Variants in FRMD4A observed in about 807,000 individuals in gnomAD.
FRMD4A encodes FERM domain-containing protein 4A.
FRMD4A carries 29 observed loss-of-function variants against 129.1 expected under a neutral mutation model. The observed-to-expected ratio is 0.22, with a 90% CI of 0.17 to 0.31. The LOEUF is 0.31. Among genes scored for constraint, FRMD4A ranks in the 10% least tolerant of loss-of-function variants. FRMD4A has a pLI of 1.00. For synonymous variants in FRMD4A, 634 were observed against 571.6 expected (o/e 1.11, Z -1.56); for missense variants, 1,272 against 1,375.8 (o/e 0.92, Z 1.19).
intron 2 of FRMD4A, among the ~76,000 whole-genome samples, chr10:14,122,611 T>G: frequency 1.9e-4 from 25 of 129,008 alleles, no homozygotes; most frequent in Admixed American, 3.3e-4. Flanking sequence ...GGGTGGGGGG[T>G]AGGGGAGGGC....
chr10:14,112,995 C>T (rs974678326), intron 2 of FRMD4A, among the ~76,000 whole-genome samples: 1 of 152,080 alleles, frequency 6.6e-6, no homozygotes, highest in African/African-American at 2.4e-5. Flanking sequence ...AGAGGGCAGT[C>T]CTGAGCAGCC....
intron 2 of FRMD4A, among the ~76,000 whole-genome samples, chr10:14,076,229 C>T (rs1297922917): frequency 6.6e-6 from 1 of 152,188 alleles, no homozygotes; most frequent in Non-Finnish European, 1.5e-5. Context: ...TACCTGCGAG[C>T]TTACCAAAGA....
Position 13,806,728 on chromosome 10 carries a change from G to A in FRMD4A, c.206+4086C>T, listed in dbSNP as rs78486401. ...TTGGAATTTCTGGGGGTAGGTCCCA[G>A]GCATTGGTATTTTATAAAGTGTCCC... On this transcript the variant is annotated intron_variant, in intron 4 of 24. Coordinates refer to ENST00000357447, the MANE Select transcript of FRMD4A (RefSeq NM_018027.5). Among the ~76,000 whole-genome samples the A allele has an allele frequency of 9.6e-3, 1,463 of 152,346 alleles. 17 individuals carry two copies. Among genetic ancestry groups the A allele is most frequent in the African/African-American group, 0.033 (1,361 of 41,580 alleles).
intron 2 of FRMD4A, among the ~76,000 whole-genome samples, chr10:13,896,369 G>T (rs747474565): frequency 1.3e-5 from 2 of 152,168 alleles, no homozygotes; most frequent in African/African-American, 2.4e-5. Flanking sequence ...ATCCTTTGCA[G>T]AGACATGGAT....
intron 2 of FRMD4A, among the ~76,000 whole-genome samples, chr10:14,155,552 A>G (rs948602764): frequency 3.9e-5 from 6 of 152,186 alleles, no homozygotes; most frequent in Admixed American, 3.3e-4. Flanking sequence ...TTTCAGTCAC[A>G]GAGTCTAGCA....
At chr10:14,202,573 G>A (rs926094034) in intron 2 of FRMD4A, among the ~76,000 whole-genome samples, 8 of 151,768 alleles carry the variant, frequency 5.3e-5, no homozygotes, top group Admixed American at 5.3e-4. Context: ...GCTAATTTTT[G>A]TATTTTTAGT....
intron 2 of FRMD4A, among the ~76,000 whole-genome samples, chr10:14,061,398 C>G (rs1018739189): frequency 2.0e-5 from 3 of 152,070 alleles, no homozygotes; most frequent in Non-Finnish European, 4.4e-5. Context: ...TTGCAATGAG[C>G]CAAGATTCCA....
chr10:13,654,350 C>T (rs56102374), intron 23 of FRMD4A, 66 bp downstream of exon 23: 18,882 of 1,019,902 alleles, frequency 0.019, 973 homozygotes, highest in African/African-American at 0.15. Context: ...CTTATGTCAC[C>T]AGGATCTGAA....
rs1203448103 is a variant in FRMD4A at position 13,678,010 on chromosome 10, G to A, written c.1118-2966C>T. 2.6e-5 allele frequency among the ~76,000 whole-genome samples: 4 copies of A among 152,282 alleles called. No homozygotes were observed. In the East Asian group the frequency reaches 7.7e-4, roughly 29 times the overall value. ...TAAGTCCAATCTAAGAATTAACTGT[G>A]TTCTGGAATGGCACAAATTACAAAT... On this transcript the variant is annotated intron_variant, in intron 15 of 24. Transcript: ENST00000357447.
chr10:13,847,628 C>G (rs1218215836), intron 3 of FRMD4A, among the ~76,000 whole-genome samples: 1 of 152,066 alleles, frequency 6.6e-6, no homozygotes, highest in African/African-American at 2.4e-5. Context: ...GATCCCCTTA[C>G]AAGAAAGGAC....
At chr10:14,173,681 C>G (rs951103342) in intron 2 of FRMD4A, among the ~76,000 whole-genome samples, 1 of 152,280 alleles carries the variant, frequency 6.6e-6, no homozygotes, top group East Asian at 1.9e-4. Flanking sequence ...TTGGTACTTC[C>G]TGCAAACGAA....
chr10:14,115,578 A>G (rs1838157173), intron 2 of FRMD4A, among the ~76,000 whole-genome samples: 1 of 151,990 alleles, frequency 6.6e-6, no homozygotes, highest in African/African-American at 2.4e-5. Context: ...GCCTGGTGGG[A>G]GATGTTTGGA....
intron 2 of FRMD4A, among the ~76,000 whole-genome samples, chr10:14,328,655 T>C (rs966744536): frequency 3.3e-5 from 5 of 150,546 alleles, no homozygotes; most frequent in Admixed American, 6.6e-5. Flanking sequence ...TGTGTGTGTG[T>C]GTGTGCATAT....
intron 2 of FRMD4A, among the ~76,000 whole-genome samples, chr10:13,879,795 T>TTCC (rs796723587): frequency 3.2e-4 from 34 of 105,888 alleles, no homozygotes; most frequent in Non-Finnish European, 4.1e-4. Flanking sequence ...TCCTCCTCCC[T>TTCC]TCCTCCTCCT....
chr10:14,040,277 T>C (rs991579447), intron 2 of FRMD4A, among the ~76,000 whole-genome samples: 2 of 151,968 alleles, frequency 1.3e-5, no homozygotes, highest in Non-Finnish European at 2.9e-5. Context: ...TTGCTCCCTG[T>C]CACCGAGAGA....
intron 2 of FRMD4A, among the ~76,000 whole-genome samples, chr10:14,204,835 A>G (rs886179558): frequency 6.6e-6 from 1 of 152,176 alleles, no homozygotes; most frequent in Non-Finnish European, 1.5e-5. Flanking sequence ...TACCCGAGAT[A>G]ACCCAGCTGT....
intron 2 of FRMD4A, among the ~76,000 whole-genome samples, chr10:13,991,651 C>T (rs916066511): frequency 6.6e-6 from 1 of 152,188 alleles, no homozygotes; most frequent in Non-Finnish European, 1.5e-5. Context: ...ATTTTTGATA[C>T]ACCTGTTGGG....
At chr10:13,853,708 C>T (rs1399729248) in intron 3 of FRMD4A, among the ~76,000 whole-genome samples, 3 of 151,390 alleles carry the variant, frequency 2.0e-5, no homozygotes, top group African/African-American at 7.3e-5. Flanking sequence ...TGATGCAGGC[C>T]TGTAGTCCCA....
chr10:14,097,527 C>A (rs532048029), intron 2 of FRMD4A, among the ~76,000 whole-genome samples: 1 of 152,074 alleles, frequency 6.6e-6, no homozygotes, highest in Non-Finnish European at 1.5e-5. Flanking sequence ...GAGGAGGAAA[C>A]GGAATTGCCC....
Sources: allele counts gnomAD v4.1 joint callset (sites outside exome capture counted in the v4.1 genomes callset), GRCh38; gene constraint gnomAD v4.1.1; transcripts MANE v1.5; gene names NCBI Gene and HGNC (gene_info 2026-07-23, HGNC 2026-07-21).